The following ARHGAP9 variants were observed in gnomAD, a reference collection of about 807,000 sequenced individuals.
ARHGAP9 encodes the protein Rho GTPase activating protein 9, also known as rho GTPase-activating protein 9.
ARHGAP9 carries 76 observed loss-of-function variants against 87.3 expected under a neutral mutation model. That is an observed-to-expected ratio of 0.87 (90% confidence interval 0.72 to 1.05). ARHGAP9 has a LOEUF of 1.05. Ranked by LOEUF, ARHGAP9 falls within the 50% of genes least tolerant of loss-of-function variation. ARHGAP9 has a pLI of 0.00. For missense variants in ARHGAP9, 941 were observed against 960.5 expected, an observed-to-expected ratio of 0.98 and a Z score of 0.27; for synonymous variants, 382 against 394.9, an observed-to-expected ratio of 0.97 and a Z score of 0.39.
Position 57,474,660 on chromosome 12 carries a change from T to C in ARHGAP9, c.1695A>G (p.Ala565=). ...DGIYRVSGNL[A]VVQKLRFLVD... ...CCAGAAAGCGAAGCTTCTGGACCAC[T>C]GCCAAGTTCCCGCTCACCCGATAAA... Residue 565 remains alanine (A), a synonymous_variant, in exon 14 of 18, where the codon GCA becomes GCG. Coordinates refer to ENST00000393791, the MANE Select transcript of ARHGAP9 (RefSeq NM_032496.4). 1.2e-6 allele frequency: 2 copies of C among 1,614,162 alleles called. No homozygotes were observed.
chr12:57,484,942 A>G (rs976172866), intron 1 of ARHGAP9, among the ~76,000 whole-genome samples: 2 of 148,670 alleles, frequency 1.3e-5, no homozygotes, highest in African/African-American at 2.5e-5. Flanking sequence ...CACTGCGCCC[A>G]GCGTATTTAT....
intron 1 of ARHGAP9, chr12:57,488,248 A>G: frequency 6.5e-7 from 1 of 1,542,568 alleles, no homozygotes; most frequent in Non-Finnish European, 8.9e-7. Context: ...CGGGACCGAA[A>G]CACGCCAGAT....
At chr12:57,487,352 G>T (rs977540331) in intron 1 of ARHGAP9, 1 of 152,066 alleles carries the variant, frequency 6.6e-6, no homozygotes, top group Non-Finnish European at 1.5e-5. Flanking sequence ...TTCCGCACAT[G>T]GTAACTCCGA....
At chr12:57,488,119 C>T (rs1203672656) in intron 1 of ARHGAP9, 3 of 1,614,038 alleles carry the variant, frequency 1.9e-6, no homozygotes, top group Non-Finnish European at 1.7e-6. Flanking sequence ...GATGGCGTCC[C>T]GGGTTGCTTG....
chr12:57,480,660 C>T (rs1874917181), upstream of ARHGAP9: 3 of 931,992 alleles, frequency 3.2e-6, no homozygotes, highest in South Asian at 4.4e-5. Flanking sequence ...ACAAGTAATG[C>T]AAGACGCTAT....
chr12:57,473,242 G>A (rs1246895861), intron 17 of ARHGAP9, among the ~76,000 whole-genome samples: 3 of 151,904 alleles, frequency 2.0e-5, no homozygotes, highest in African/African-American at 2.4e-5. Flanking sequence ...GTGAAACCCC[G>A]TCTCTACTAA....
At position 57,477,602 on chromosome 12, in the gene ARHGAP9, G is replaced by T. The variant is rs1874235143; in HGVS notation, c.613C>A (p.Pro205Thr). 3 of 1,613,288 alleles carry T rather than the reference G, an allele frequency of 1.9e-6. No individual in the cohort carries two copies. Among genetic ancestry groups the T allele is most frequent in the African/African-American group, 2.7e-5 (2 of 75,020 alleles). ...VDLRRCPRSP[P>T]PGPACPLLQR... ...AGCAGGGGGCATGCAGGGCCTGGGGGTGGGGACCGAGGACAGCGGCGAAGG... is the reference window on the plus strand; with the variant it reads ...AGCAGGGGGCATGCAGGGCCTGGGGTTGGGGACCGAGGACAGCGGCGAAGG... Residue 205 changes from proline (P) to threonine (T), a missense_variant, in exon 4 of 18, where the codon CCC becomes ACC. By Grantham distance (38) the Pro-to-Thr change is conservative (BLOSUM62 -1). Transcript: ENST00000393791.
chr12:57,484,625 C>T (rs1361990954), upstream of ARHGAP9, among the ~76,000 whole-genome samples: 5 of 152,024 alleles, frequency 3.3e-5, no homozygotes, highest in Non-Finnish European at 7.4e-5. Context: ...AGTAAAATGG[C>T]GATGAGAGAC....
upstream of ARHGAP9, among the ~76,000 whole-genome samples, chr12:57,482,177 G>C (rs1054788699): frequency 6.6e-6 from 1 of 152,092 alleles, no homozygotes; most frequent in Non-Finnish European, 1.5e-5. Context: ...GGGAGGCCAA[G>C]GCAGAATATC....
intron 8 of ARHGAP9, 65 bp downstream of exon 8, chr12:57,476,299 C>G: frequency 1.9e-6 from 3 of 1,579,132 alleles, no homozygotes; most frequent in East Asian, 2.3e-5. Flanking sequence ...CCGCTGCCGC[C>G]CCCACATTGG....
intron 16 of ARHGAP9, 22 bp from the exon 17 acceptor site, chr12:57,473,730 G>A: frequency 1.2e-6 from 2 of 1,600,214 alleles, no homozygotes; most frequent in African/African-American, 1.3e-5. Context: ...GATGGGAAAG[G>A]CATGGTAGTA....
chr12:57,480,144 C>G, upstream of ARHGAP9: 2 of 984,326 alleles, frequency 2.0e-6, no homozygotes, highest in Non-Finnish European at 2.4e-6. Context: ...ACACACAAGC[C>G]TCTTGAGGCA....
rs771841537 is a variant in ARHGAP9, at chr12:57,473,608, T to C, written c.2019A>G (p.Leu673=). The C allele has an allele frequency of 6.2e-7, 1 of 1,612,878 alleles. No individual in the cohort carries two copies. The highest frequency in any genetic ancestry group is 2.2e-5 in the East Asian group (1 of 44,864). Residue 673 remains leucine (L), a synonymous_variant, in exon 17 of 18, where the codon TTA becomes TTG. Coordinates refer to ENST00000393791, the MANE Select transcript of ARHGAP9 (RefSeq NM_032496.4). ...AGAGGTTCTGTCTTCCTGACCTGCA[T>C]AAATGCTCCAGGAGGTACCGTAGAG... The part of the protein sequence containing the change: ...HDTLRYLLEH[L]CRVIAHSDKN...
chr12:57,476,750 T>A, intron 6 of ARHGAP9, 99 bp from the exon 7 acceptor site: 2 of 1,559,680 alleles, frequency 1.3e-6, no homozygotes, highest in Non-Finnish European at 1.8e-6. Flanking sequence ...TCCCTTAAAG[T>A]TGCTGGGGGA....
In ARHGAP9 at chr12:57,475,396, G is replaced by T; in HGVS notation, c.1447C>A (p.Arg483=). The T allele has an allele frequency of 6.3e-7, 1 of 1,592,622 alleles. No individual in the cohort carries two copies. Among genetic ancestry groups the T allele is most frequent in the East Asian group, 2.3e-5 (1 of 44,190 alleles). Residue 483 remains arginine, a splice_region_variant and synonymous_variant, in exon 12 of 18, where the codon CGG becomes AGG. Transcript: ENST00000393791. ...LRLSSRRSSI[R]GPEGTEQNRV... Reference sequence around the variant, plus strand: ...TTCTGCTCGGTGCCTTCGGGCCCCCGAACTGCAGGAGGCAGGTAGAGCGGG... The same window carrying T: ...TTCTGCTCGGTGCCTTCGGGCCCCCTAACTGCAGGAGGCAGGTAGAGCGGG...
At chr12:57,488,244 C>A in intron 1 of ARHGAP9, 2 of 1,546,830 alleles carry the variant, frequency 1.3e-6, no homozygotes, top group Non-Finnish European at 8.9e-7. Flanking sequence ...GGGGCGGGAC[C>A]GAAACACGCC....
At chr12:57,477,039 G>A (rs1405752213) in intron 5 of ARHGAP9, 76 bp from the exon 6 acceptor site, 25 of 1,534,864 alleles carry the variant, frequency 1.6e-5, no homozygotes, top group Non-Finnish European at 2.3e-5. Context: ...GAAGAGGGGT[G>A]GGATACGGGT....
At position 57,479,393 on chromosome 12, in the gene ARHGAP9, C is replaced by T. The variant is rs117495838; in HGVS notation, c.14G>A (p.Arg5Gln). The part of the protein sequence containing the change: MLSS[R>Q]WWPSSWGILG... Reference sequence around the variant, plus strand: ...GATCCCCCAGGAACTTGGCCACCACCGGCTGGATAGCATTGTAGCCAGCAC... The same window carrying T: ...GATCCCCCAGGAACTTGGCCACCACTGGCTGGATAGCATTGTAGCCAGCAC... The change falls in exon 2 of 18, where the codon CGG becomes CAG. Residue 5 changes from arginine (R) to glutamine (Q), a missense_variant. Physicochemically the swap from Arg to Gln is conservative, Grantham distance 43. Transcript: ENST00000393791. The T allele has an allele frequency of 2.7e-4, 442 of 1,613,204 alleles. 6 individuals carry two copies. The East Asian group carries it at 6.5e-3, about 24-fold the overall frequency.
chr12:57,479,750 A>C lies in ARHGAP9; in HGVS notation c.-39T>G, dbSNP rs1405628218. On this transcript the variant is annotated 5_prime_UTR_variant, in exon 1 of 18. Transcript: ENST00000393791. The stretch of plus-strand genomic sequence containing the variant: ...AGTACCTTGTGGGGCCCATCAGAAG[A>C]TTCAGGAGCAGGAGTTGGTCCTGGG... 1 of 1,550,680 alleles carries C rather than the reference A, an allele frequency of 6.4e-7. No individual in the cohort carries two copies. The highest frequency in any genetic ancestry group is 2.0e-5 in the Admixed American group (1 of 50,954).
Sources: allele counts gnomAD v4.1 joint callset (sites outside exome capture counted in the v4.1 genomes callset), GRCh38; gene constraint gnomAD v4.1.1; transcripts MANE v1.5; gene names NCBI Gene and HGNC (gene_info 2026-07-23, HGNC 2026-07-21).